PPM1L: variants seen among roughly 807,000 people sequenced by gnomAD.
PPM1L encodes the protein protein phosphatase, Mg2+/Mn2+ dependent 1L.
In PPM1L, 13 loss-of-function variants were observed where a neutral mutation model predicts 31.4. The observed-to-expected ratio is 0.41, with a 90% CI of 0.27 to 0.66. The LOEUF is 0.66. Among genes scored for constraint, PPM1L ranks in the 30% least tolerant of loss-of-function variants. PPM1L has a pLI of 0.29. For synonymous variants in PPM1L, 184 were observed against 175.4 expected (o/e 1.05, Z -0.39); for missense variants, 326 against 453.7 (o/e 0.72, Z 2.56).
Position 160,809,238 on chromosome 3 carries a change from C to T in PPM1L, c.399+52531C>T, listed in dbSNP as rs147288274. 3.8e-4 allele frequency among the ~76,000 whole-genome samples: 58 copies of T among 152,238 alleles called. 1 individual carries two copies. The highest frequency in any genetic ancestry group is 1.3e-3 in the African/African-American group (56 of 41,538). ...TCCTTTGATTGGCCTGAAGTGAAGG[C>T]CATTAACAGTGCCATGATGGCAATT... On this transcript the variant is annotated intron_variant, in intron 1 of 3. Transcript: ENST00000498165.
chr3:160,834,416 T>C (rs1713627541), intron 1 of PPM1L, among the ~76,000 whole-genome samples: 1 of 151,908 alleles, frequency 6.6e-6, no homozygotes, highest in Non-Finnish European at 1.5e-5. Flanking sequence ...TGAGTTCTCT[T>C]TTCTGTTCCA....
chr3:160,756,710 AG>A lies in PPM1L; in HGVS notation c.399+5del. On this transcript the variant is annotated splice_donor_region_variant and intron_variant, in intron 1 of 3. Transcript: ENST00000498165. This position sits in a 1 kb window ranked among gnomAD's most constrained non-coding sequence, Gnocchi z 6.2. ...TCTTCGACGGGCACGGGGGAGAGGT[AG>A]GAGCTACCCCGGGGCTTTGTATTTG... The A allele has an allele frequency of 6.2e-7, 1 of 1,611,688 alleles. No individual in the cohort carries two copies. Among genetic ancestry groups the A allele is most frequent in the Non-Finnish European group, 8.5e-7 (1 of 1,179,270 alleles).
At chr3:160,930,620 C>T (rs1425524508) in intron 1 of PPM1L, among the ~76,000 whole-genome samples, 1 of 152,128 alleles carries the variant, frequency 6.6e-6, no homozygotes, top group Non-Finnish European at 1.5e-5. Context: ...CAAATGCCAA[C>T]AGAAGACATG....
At chr3:160,929,773 C>CGGAG in intron 1 of PPM1L, among the ~76,000 whole-genome samples, 1 of 152,214 alleles carries the variant, frequency 6.6e-6, no homozygotes, top group East Asian at 1.9e-4. Context: ...CAGCTCTCTC[C>CGGAG]CCCTTGTGGC....
intron 2 of PPM1L, among the ~76,000 whole-genome samples, chr3:160,980,803 G>A (rs1716772083): frequency 6.6e-6 from 1 of 151,796 alleles, no homozygotes; most frequent in Non-Finnish European, 1.5e-5. Context: ...AAGGGAGAGA[G>A]GGAGGGAGGG....
chr3:160,929,562 G>T (rs570252884), intron 1 of PPM1L, among the ~76,000 whole-genome samples: 2 of 152,244 alleles, frequency 1.3e-5, no homozygotes, highest in Non-Finnish European at 2.9e-5. Flanking sequence ...TCAGTGTCTA[G>T]TTAAGTGTTT....
chr3:161,008,404 A>T (rs1717784456), intron 2 of PPM1L, among the ~76,000 whole-genome samples: 1 of 152,170 alleles, frequency 6.6e-6, no homozygotes, highest in African/African-American at 2.4e-5. Flanking sequence ...AGCTGTTTAT[A>T]CTTTGTTGAA....
At chr3:160,899,080 T>A (rs1224571821) in intron 1 of PPM1L, among the ~76,000 whole-genome samples, 1 of 152,162 alleles carries the variant, frequency 6.6e-6, no homozygotes, top group Non-Finnish European at 1.5e-5. Flanking sequence ...CTGGGTGTTT[T>A]ATTATGTAAA....
chr3:160,808,742 T>C (rs575022554), intron 1 of PPM1L, among the ~76,000 whole-genome samples: 1 of 152,280 alleles, frequency 6.6e-6, no homozygotes, highest in South Asian at 2.1e-4. Context: ...AGGGAACTGA[T>C]TAATCAGTTA....
At chr3:160,977,424 C>G (rs973402487) in intron 2 of PPM1L, among the ~76,000 whole-genome samples, 2 of 152,204 alleles carry the variant, frequency 1.3e-5, no homozygotes, top group Admixed American at 1.3e-4. Flanking sequence ...TGGGTAAAGA[C>G]AGATGAGTTA....
intron 1 of PPM1L, among the ~76,000 whole-genome samples, chr3:160,784,109 T>C (rs1391076640): frequency 6.6e-6 from 1 of 152,156 alleles, no homozygotes; most frequent in African/African-American, 2.4e-5. Context: ...TAGGTTAACT[T>C]GTAGCAATTT....
chr3:160,791,534 C>G (rs1177713869), intron 1 of PPM1L, among the ~76,000 whole-genome samples: 1 of 152,032 alleles, frequency 6.6e-6, no homozygotes, highest in Non-Finnish European at 1.5e-5. Context: ...AACCAAAAAC[C>G]GTTCACTGAG....
chr3:160,913,717 G>A (rs568092517), intron 1 of PPM1L, among the ~76,000 whole-genome samples: 10 of 152,138 alleles, frequency 6.6e-5, no homozygotes, highest in South Asian at 6.2e-4. Context: ...CATCCATGTC[G>A]TTTTATATGT....
At chr3:161,062,558 CT>C (rs1719606332) in intron 2 of PPM1L, among the ~76,000 whole-genome samples, 1 of 152,204 alleles carries the variant, frequency 6.6e-6, no homozygotes, top group African/African-American at 2.4e-5. Context: ...TGCATTGCCC[CT>C]GGAATCATCT....
chr3:160,793,267 A>G (rs1712153720), intron 1 of PPM1L, among the ~76,000 whole-genome samples: 1 of 152,184 alleles, frequency 6.6e-6, no homozygotes, highest in Non-Finnish European at 1.5e-5. Context: ...ATGATTTAAA[A>G]CTTATATATT....
At chr3:160,901,290 A>C (rs549060245) in intron 1 of PPM1L, among the ~76,000 whole-genome samples, 2 of 152,132 alleles carry the variant, frequency 1.3e-5, no homozygotes, top group African/African-American at 4.8e-5. Context: ...ACTTTCCTAA[A>C]TATTATTATC....
At chr3:160,848,915 A>G (rs1357757063) in intron 1 of PPM1L, among the ~76,000 whole-genome samples, 1 of 152,130 alleles carries the variant, frequency 6.6e-6, no homozygotes, top group African/African-American at 2.4e-5. Flanking sequence ...TCCCCTTCAA[A>G]TTAACCATGA....
chr3:160,889,697 A>G (rs1397944672), intron 1 of PPM1L, among the ~76,000 whole-genome samples: 1 of 152,188 alleles, frequency 6.6e-6, no homozygotes, highest in East Asian at 1.9e-4. Context: ...AAACACACGC[A>G]AAAAAACAAA....
rs185651286 is a variant in PPM1L at position 160,964,621 on chromosome 3, C to G, written c.574+2711C>G. Among the ~76,000 whole-genome samples, 296 of 152,116 alleles carry G rather than the reference C, an allele frequency of 1.9e-3. 1 individual carries two copies. The highest frequency in any genetic ancestry group is 6.9e-3 in the African/African-American group (288 of 41,528). On this transcript the variant is annotated intron_variant, in intron 2 of 3. Transcript: ENST00000498165. ...GTATTCTAACTTAGTCTTTTCGTGGCATACAGTGTTTGGGAAGGCAGAGGG... is the reference window on the plus strand; with the variant it reads ...GTATTCTAACTTAGTCTTTTCGTGGGATACAGTGTTTGGGAAGGCAGAGGG...
Sources: gnomAD v4.1 joint callset for allele counts (sites outside exome capture counted in the v4.1 genomes callset) on GRCh38, gnomAD v4.1.1 for gene constraint, Gnocchi (gnomAD v3.1) non-coding constraint, MANE v1.5 for transcripts, NCBI Gene and HGNC (gene_info 2026-07-23, HGNC 2026-07-21) for gene names.